TPR: variants seen among roughly 807,000 people sequenced by gnomAD.
TPR encodes translocated promoter region, nuclear basket protein.
In TPR, 51 loss-of-function variants were observed where a neutral mutation model predicts 316.1. The ratio of observed to expected loss-of-function variants is 0.16; its 90% CI spans 0.13 to 0.20. The LOEUF is 0.20. Among genes scored for constraint, TPR ranks in the 10% least tolerant of loss-of-function variants. The probability of loss-of-function intolerance (pLI) is 1.00; values close to 1 mark genes in which losing one functional copy is unlikely to be tolerated. For missense variants in TPR, 2,272 were observed against 2,754.8 expected, an observed-to-expected ratio of 0.82 and a Z score of 3.92; for synonymous variants, 981 against 914.7, an observed-to-expected ratio of 1.07 and a Z score of -1.31.
At chr1:186,344,305 C>T in intron 25 of TPR, 70 bp downstream of exon 25, 2 of 1,543,202 alleles carry the variant, frequency 1.3e-6, no homozygotes, top group Non-Finnish European at 1.8e-6. Flanking sequence ...CATCTCAAAA[C>T]ATTATAAAAT....
intron 2 of TPR, among the ~76,000 whole-genome samples, chr1:186,371,890 A>C (rs934299211): frequency 6.6e-6 from 1 of 152,164 alleles, no homozygotes; most frequent in Non-Finnish European, 1.5e-5. Flanking sequence ...TGTATACCAC[A>C]GGAAGGTATC....
intron 30 of TPR, 35 bp from the exon 31 acceptor site, chr1:186,338,278 A>G: frequency 6.5e-7 from 1 of 1,529,290 alleles, no homozygotes; most frequent in African/African-American, 1.4e-5. Flanking sequence ...AAGATTAAAT[A>G]TATGAGACAT....
At chr1:186,337,911 A>G in intron 31 of TPR, 122 bp downstream of exon 31, 2 of 799,118 alleles carry the variant, frequency 2.5e-6, no homozygotes, top group Non-Finnish European at 3.7e-6. Flanking sequence ...TTAAATAAAG[A>G]TATCATATAT....
At position 186,316,165 on chromosome 1, in the gene TPR, C is replaced by T. The variant is rs568174593; in HGVS notation, c.6940+1317G>A. On this transcript the variant is annotated intron_variant, in intron 49 of 50. Coordinates refer to ENST00000367478, the MANE Select transcript of TPR (RefSeq NM_003292.3). Reference sequence around the variant, plus strand: ...TTGAGGAAAGCCAATTTTTATGGGACGTCAAAATATAACTGGGGGCACAAA... The same window carrying T: ...TTGAGGAAAGCCAATTTTTATGGGATGTCAAAATATAACTGGGGGCACAAA... 8.9e-4 allele frequency among the ~76,000 whole-genome samples: 135 copies of T among 151,870 alleles called. 1 individual carries two copies. Among genetic ancestry groups the T allele is most frequent in the Non-Finnish European group, 1.1e-3 (73 of 67,982 alleles).
intron 18 of TPR, among the ~76,000 whole-genome samples, chr1:186,353,364 T>G (rs2101977267): frequency 6.6e-6 from 1 of 150,554 alleles, no homozygotes; most frequent in South Asian, 2.1e-4. Flanking sequence ...AGAGTGAGAC[T>G]CTGTCTCAAG....
In TPR at chr1:186,345,576, T is replaced by G. The variant is rs774670081; in HGVS notation, c.3213+4A>C. ...CTCATTTCTCAATAATTGGCTATACTTACTTGTTCCTGACAGTCACGTCTG... is the reference window on the plus strand; with the variant it reads ...CTCATTTCTCAATAATTGGCTATACGTACTTGTTCCTGACAGTCACGTCTG... On this transcript the variant is annotated splice_donor_region_variant and intron_variant, in intron 24 of 50. Transcript: ENST00000367478. 1 of 1,607,774 alleles carries G rather than the reference T, an allele frequency of 6.2e-7. No homozygotes were observed. The highest frequency in any genetic ancestry group is 8.5e-7 in the Non-Finnish European group (1 of 1,174,864).
intron 42 of TPR, among the ~76,000 whole-genome samples, chr1:186,325,295 G>A (rs1657888538): frequency 6.6e-6 from 1 of 152,040 alleles, no homozygotes; most frequent in South Asian, 2.1e-4. Flanking sequence ...CAACTTTTCA[G>A]TGGACCTCCA....
chr1:186,368,011 AAATC>A, intron 3 of TPR, 29 bp from the exon 4 acceptor site: 1 of 1,531,504 alleles, frequency 6.5e-7, no homozygotes. Flanking sequence ...ATAAGTAAGA[AAATC>A]AAGTAGAGCA....
At chr1:186,354,771 G>A (rs944668565) in intron 17 of TPR, among the ~76,000 whole-genome samples, 2 of 151,966 alleles carry the variant, frequency 1.3e-5, no homozygotes, top group Non-Finnish European at 2.9e-5. Context: ...TAGAAAAGGT[G>A]GAATAAAATT....
intron 36 of TPR, 75 bp from the exon 37 acceptor site, chr1:186,333,469 G>A: frequency 6.5e-7 from 1 of 1,541,060 alleles, no homozygotes; most frequent in Non-Finnish European, 8.8e-7. Context: ...CTATTCTGTG[G>A]TACATGTCAC....
At chr1:186,357,955 T>C (rs1488698349) in intron 13 of TPR, among the ~76,000 whole-genome samples, 1 of 152,164 alleles carries the variant, frequency 6.6e-6, no homozygotes, top group Non-Finnish European at 1.5e-5. Flanking sequence ...GTATATATGA[T>C]AGGGCAGAGC....
At chr1:186,363,503 T>C (rs533858218) in intron 4 of TPR, 58 bp from the exon 5 acceptor site, 116 of 1,127,510 alleles carry the variant, frequency 1.0e-4, no homozygotes, top group South Asian at 1.9e-4. Context: ...GGGAACCAAA[T>C]ATCAAAAATA....
At chr1:186,322,682 C>A in intron 43 of TPR, 96 bp from the exon 44 acceptor site, 1 of 1,245,016 alleles carries the variant, frequency 8.0e-7, no homozygotes, top group Non-Finnish European at 1.2e-6. Context: ...ACGCTGCCAA[C>A]AAAATAGTTA....
chr1:186,357,384 T>C lies in TPR; in HGVS notation c.1724+13A>G. On this transcript the variant is annotated intron_variant, in intron 14 of 50. Coordinates refer to ENST00000367478, the MANE Select transcript of TPR (RefSeq NM_003292.3). The stretch of plus-strand genomic sequence containing the variant: ...AATGTTTGCTCAACAAGCTGAGGTA[T>C]GTGACTACTTACTTGGATGAAGTTG... 4 of 1,611,964 alleles carry C rather than the reference T, an allele frequency of 2.5e-6. No individual in the cohort carries two copies. The highest frequency in any genetic ancestry group is 3.4e-6 in the Non-Finnish European group (4 of 1,178,472).
rs764118694 is a variant in TPR at position 186,350,297 on chromosome 1, A to G, written c.2702T>C (p.Ile901Thr). 3 of 1,613,790 alleles carry G rather than the reference A, an allele frequency of 1.9e-6. No homozygotes were observed. Among genetic ancestry groups the G allele is most frequent in the South Asian group, 1.1e-5 (1 of 91,064 alleles). The change falls in exon 21 of 51, where the codon ATT (isoleucine) becomes ACT (threonine). Residue 901 changes from isoleucine (I) to threonine (T), a missense_variant. Physicochemically the swap from Ile to Thr is moderately conservative, Grantham distance 89. Coordinates refer to ENST00000367478, the MANE Select transcript of TPR (RefSeq NM_003292.3). Reference sequence around the variant, plus strand: ...ACTGAGGTGCTGTTTCAATGTGGCAATTTCTTTTTGAGCATTTTTTAATAG... The same window carrying G: ...ACTGAGGTGCTGTTTCAATGTGGCAGTTTCTTTTTGAGCATTTTTTAATAG... The part of the protein sequence containing the change: ...KELLKNAQKE[I>T]ATLKQHLSNM...
At chr1:186,326,971 C>T (rs1424664660) in intron 40 of TPR, among the ~76,000 whole-genome samples, 1 of 109,134 alleles carries the variant, frequency 9.2e-6, no homozygotes, top group Non-Finnish European at 1.8e-5. Context: ...AGAAGAAAAA[C>T]AATATATATA....
chr1:186,329,855 A>T (rs547000597), intron 39 of TPR, among the ~76,000 whole-genome samples: 11 of 152,306 alleles, frequency 7.2e-5, no homozygotes, highest in African/African-American at 1.9e-4. Context: ...TTATAGCATA[A>T]GATGATCCAG....
At position 186,343,987 on chromosome 1, in the gene TPR, A is replaced by G; in HGVS notation, c.3521T>C (p.Val1174Ala). The change falls in exon 26 of 51, where the codon GTG (valine) becomes GCG (alanine). Residue 1174 changes from valine to alanine, a missense_variant. Around this residue, in one of 10 missense-constraint regions of TPR, gnomAD observed 757 missense variants for 859.8 expected, o/e 0.88. Coordinates refer to ENST00000367478, the MANE Select transcript of TPR (RefSeq NM_003292.3). ...EKLSDKVVAS[V>A]KEGVQGPLNV... is the part of the protein sequence containing the mutation. Reference sequence around the variant, plus strand: ...CAGTGGACCTTGTACACCTTCCTTCACAGAGGCAACGACCTTGTCACTTAA... The same window carrying G: ...CAGTGGACCTTGTACACCTTCCTTCGCAGAGGCAACGACCTTGTCACTTAA... The G allele has an allele frequency of 6.2e-7, 1 of 1,614,132 alleles. No homozygotes were observed. Among genetic ancestry groups the G allele is most frequent in the South Asian group, 1.1e-5 (1 of 91,082 alleles).
At chr1:186,361,294 T>C (rs1659179503) in intron 9 of TPR, among the ~76,000 whole-genome samples, 1 of 151,968 alleles carries the variant, frequency 6.6e-6, no homozygotes, top group African/African-American at 2.4e-5. Context: ...AAAGAGGATG[T>C]CTTATTTATA....
Sources: allele counts gnomAD v4.1 joint callset (sites outside exome capture counted in the v4.1 genomes callset), GRCh38; gene constraint gnomAD v4.1.1; regional missense constraint gnomAD v4.1.1; transcripts MANE v1.5; gene names NCBI Gene and HGNC (gene_info 2026-07-23, HGNC 2026-07-21).